SPPL3: variants seen among roughly 807,000 people sequenced by gnomAD.
The protein encoded by SPPL3 is signal peptide peptidase like 3, also known as signal peptide peptidase-like 3.
In SPPL3, 5 loss-of-function variants were observed where a neutral mutation model predicts 42.4. That is an observed-to-expected ratio of 0.12 (90% CI 0.06 to 0.25). The LOEUF is 0.25. Ranked by LOEUF, SPPL3 falls within the 10% of genes least tolerant of loss-of-function variation. The pLI is 1.00. For synonymous variants in SPPL3, 195 were observed against 181.8 expected (o/e 1.07, Z -0.58); for missense variants, 235 against 489.0 (o/e 0.48, Z 4.90).
chr12:120,823,222 T>TGGGGGGGGCGGCGGCGGTGGGGGGTG (rs141850502), intron 1 of SPPL3, among the ~76,000 whole-genome samples: 2 of 106,396 alleles, frequency 1.9e-5, no homozygotes, highest in African/African-American at 8.6e-5. Context: ...GGGTGGGGGG[T>TGGGGGGGGCGGCGGCGGTGGGGGGTG]GGGGGGGCGG....
intron 4 of SPPL3, 61 bp downstream of exon 4, chr12:120,784,413 G>C: frequency 6.8e-7 from 1 of 1,471,078 alleles, no homozygotes; most frequent in Non-Finnish European, 9.1e-7. Context: ...TTTGAACAAT[G>C]ATAAAGGTGA....
At chr12:120,826,306 A>G (rs962490630) in intron 1 of SPPL3, among the ~76,000 whole-genome samples, 1 of 151,026 alleles carries the variant, frequency 6.6e-6, no homozygotes, top group African/African-American at 2.4e-5. Flanking sequence ...AAAAAAAAAA[A>G]AAAAAGAAAG....
At chr12:120,892,149 C>T (rs1310882891) in intron 1 of SPPL3, among the ~76,000 whole-genome samples, 1 of 152,144 alleles carries the variant, frequency 6.6e-6, no homozygotes, top group African/African-American at 2.4e-5. Flanking sequence ...ATTCTAAAAT[C>T]CAGCATCTAA....
intron 1 of SPPL3, among the ~76,000 whole-genome samples, chr12:120,874,024 T>A (rs1873003469): frequency 6.6e-6 from 1 of 152,038 alleles, no homozygotes. Flanking sequence ...GACAAAATAC[T>A]TTAGACCAAT....
rs1225971100 is a variant in SPPL3 at position 120,852,889 on chromosome 12, T to C, written c.24-42003A>G. On this transcript the variant is annotated intron_variant, in intron 1 of 10. Coordinates refer to ENST00000353487, the MANE Select transcript of SPPL3 (RefSeq NM_139015.5). ...ATAATATATACATATCATATATATT[T>C]CATATATATATATATATTTTTTAAG... Among the ~76,000 whole-genome samples, 3 of 9,044 alleles carry C rather than the reference T, an allele frequency of 3.3e-4. 1 individual carries two copies. Among genetic ancestry groups the C allele is most frequent in the African/African-American group, 4.4e-4 (3 of 6,842 alleles). 5.9% of individuals were successfully genotyped at this position (9,044 alleles called of 152,430 possible).
chr12:120,776,811 CA>C (rs1348852354), intron 6 of SPPL3, among the ~76,000 whole-genome samples: 1 of 152,084 alleles, frequency 6.6e-6, no homozygotes, highest in Non-Finnish European at 1.5e-5. Flanking sequence ...GGAGAGCCAT[CA>C]AAAAGTTAGC....
chr12:120,845,147 G>T, intron 1 of SPPL3: 1 of 455,914 alleles, frequency 2.2e-6, no homozygotes, highest in Non-Finnish European at 4.4e-6. Flanking sequence ...AGCCAGCCCA[G>T]TCCTTGATAG....
rs541515944 is a variant in SPPL3 at position 120,782,978 on chromosome 12, T to C, written c.390-211A>G. On this transcript the variant is annotated intron_variant, in intron 5 of 10. Transcript: ENST00000353487. ...CTGATAATGTCTTTTTGGGACCAAT[T>C]ATCAACATGGGCATTTAGAAGTTTG... 2.6e-5 allele frequency among the ~76,000 whole-genome samples: 4 copies of C among 152,336 alleles called. No homozygotes were observed. The East Asian group carries it at 7.7e-4, about 29-fold the overall frequency.
chr12:120,854,715 A>G (rs960875686), intron 1 of SPPL3, among the ~76,000 whole-genome samples: 1 of 152,220 alleles, frequency 6.6e-6, no homozygotes, highest in East Asian at 1.9e-4. Context: ...TGAATGCCCC[A>G]AAGTCTAAGG....
chr12:120,821,998 G>C (rs1444976629), intron 1 of SPPL3, among the ~76,000 whole-genome samples: 1 of 150,858 alleles, frequency 6.6e-6, no homozygotes, highest in African/African-American at 2.4e-5. Flanking sequence ...CCAGAAAAAA[G>C]AGACAAATAT....
At position 120,865,283 on chromosome 12, in the gene SPPL3, C is replaced by T. The variant is rs115863505; in HGVS notation, c.23+38562G>A. Among the ~76,000 whole-genome samples, 521 of 152,304 alleles carry T rather than the reference C, an allele frequency of 3.4e-3. 3 individuals carry two copies. The highest frequency in any genetic ancestry group is 0.012 in the African/African-American group (497 of 41,566). Reference sequence around the variant, plus strand: ...CATATCTGTTACCTCACGCTCATAGCGAACTGTACACTGCTCTACAATGCA... The same window carrying T: ...CATATCTGTTACCTCACGCTCATAGTGAACTGTACACTGCTCTACAATGCA... On this transcript the variant is annotated intron_variant, in intron 1 of 10. Coordinates refer to ENST00000353487, the MANE Select transcript of SPPL3 (RefSeq NM_139015.5).
intron 1 of SPPL3, among the ~76,000 whole-genome samples, chr12:120,857,214 G>A (rs981551076): frequency 6.6e-6 from 1 of 152,170 alleles, no homozygotes; most frequent in African/African-American, 2.4e-5. Context: ...AAGTCTTCCT[G>A]CCCACTTCTC....
At chr12:120,802,445 T>TG (rs1181131247) in intron 2 of SPPL3, among the ~76,000 whole-genome samples, 49 of 139,302 alleles carry the variant, frequency 3.5e-4, no homozygotes, top group Non-Finnish European at 3.8e-4. Flanking sequence ...TTTTTTTTTT[T>TG]CCTTTTTGAG....
intron 2 of SPPL3, among the ~76,000 whole-genome samples, chr12:120,810,490 T>C (rs1660132706): frequency 6.6e-6 from 1 of 152,224 alleles, no homozygotes; most frequent in African/African-American, 2.4e-5. Context: ...TTTGTTCCCT[T>C]TGAGACTCTA....
chr12:120,821,355 A>G (rs2137009354), intron 1 of SPPL3, among the ~76,000 whole-genome samples: 1 of 152,368 alleles, frequency 6.6e-6, no homozygotes, highest in South Asian at 2.1e-4. Context: ...GCACACAACC[A>G]GCAACACACT....
intron 1 of SPPL3, among the ~76,000 whole-genome samples, chr12:120,814,835 A>T (rs1870811992): frequency 6.6e-6 from 1 of 152,252 alleles, no homozygotes; most frequent in South Asian, 2.1e-4. Context: ...GTAGAATATT[A>T]AATATACTGC....
intron 3 of SPPL3, among the ~76,000 whole-genome samples, chr12:120,786,408 T>C (rs1869721921): frequency 1.3e-5 from 2 of 152,154 alleles, no homozygotes; most frequent in African/African-American, 4.8e-5. Context: ...CTACAGAAAA[T>C]AATGTTTCTC....
Position 120,802,005 on chromosome 12 carries a change from T to C in SPPL3, c.101+8804A>G, listed in dbSNP as rs144519469. 3.4e-3 allele frequency among the ~76,000 whole-genome samples: 517 copies of C among 152,336 alleles called. 3 individuals are homozygous for C. The highest frequency in any genetic ancestry group is 0.012 in the African/African-American group (500 of 41,574). On this transcript the variant is annotated intron_variant, in intron 2 of 10. Coordinates refer to ENST00000353487, the MANE Select transcript of SPPL3 (RefSeq NM_139015.5). ...TTCTGTGAGTGCCTTAATAAGATTT[T>C]AGTGTGGCTGAGGTAGAGATCTGGT...
intron 1 of SPPL3, among the ~76,000 whole-genome samples, chr12:120,882,036 G>A (rs777070490): frequency 3.9e-5 from 6 of 151,972 alleles, no homozygotes; most frequent in Admixed American, 6.6e-5. Flanking sequence ...GAAAAAAGTC[G>A]TAAGTTTTAA....
Sources: gnomAD v4.1 joint callset for allele counts (sites outside exome capture counted in the v4.1 genomes callset) on GRCh38, gnomAD v4.1.1 for gene constraint, MANE v1.5 for transcripts, NCBI Gene and HGNC (gene_info 2026-07-23, HGNC 2026-07-21) for gene names.